The following IRF6 variants were observed in gnomAD, a reference collection of about 807,000 sequenced individuals.
The protein encoded by IRF6 is interferon regulatory factor 6.
Under a neutral mutation model 51.4 loss-of-function variants are expected in IRF6, and 6 were observed. The ratio of observed to expected loss-of-function variants is 0.12; its 90% CI spans 0.06 to 0.23. IRF6 has a LOEUF of 0.23. IRF6 is among the 10% of genes least tolerant of loss of function. The pLI is 1.00. For missense variants in IRF6, 348 were observed against 585.2 expected (o/e 0.59, Z 4.18); for synonymous variants, 178 against 215.7 (o/e 0.83, Z 1.53).
chr1:209,791,342 A>G (rs1470652859), intron 6 of IRF6, among the ~76,000 whole-genome samples: 1 of 152,234 alleles, frequency 6.6e-6, no homozygotes, highest in Non-Finnish European at 1.5e-5. Flanking sequence ...CACACTGGGG[A>G]TCTGCTCTAA....
rs1192791647 is a variant in IRF6, at chr1:209,786,242, A to T, written c.*2178T>A. On this transcript the variant is annotated 3_prime_UTR_variant, in exon 9 of 9. Transcript: ENST00000367021. ...CATGTACTCTCCCGGCATTCTGAAA[A>T]GAAGCCAAAACAAGGAAGAAACCGG... 12 of 152,242 alleles carry T rather than the reference A, an allele frequency of 7.9e-5. No homozygotes were observed. Among genetic ancestry groups the T allele is most frequent in the Admixed American group, 7.8e-4 (12 of 15,292 alleles). 9.4% of individuals were successfully genotyped at this position (152,242 alleles called of 1,614,324 possible). A position where few individuals can be genotyped will look rare whatever the true frequency, so the allele number is the denominator to read the frequency against.
intron 3 of IRF6, 99 bp downstream of exon 3, chr1:209,801,141 C>T (rs1339005831): frequency 1.1e-5 from 12 of 1,083,248 alleles, no homozygotes; most frequent in Non-Finnish European, 1.5e-5. Context: ...TAAGCATTCT[C>T]TCTGTTTCAC....
intron 8 of IRF6, 74 bp downstream of exon 8, chr1:209,789,593 G>A (rs2077856572): frequency 9.5e-7 from 1 of 1,047,344 alleles, no homozygotes; most frequent in Admixed American, 1.7e-5. Flanking sequence ...GCTTGATGAG[G>A]GCTCAACCCA....
chr1:209,789,444 T>C (rs2077855504), intron 8 of IRF6, among the ~76,000 whole-genome samples: 1 of 151,422 alleles, frequency 6.6e-6, no homozygotes, highest in African/African-American at 2.4e-5. Context: ...CTAAGGTTAG[T>C]AAGAGAATGA....
At chr1:209,805,384 C>T (rs531998102) in intron 1 of IRF6, among the ~76,000 whole-genome samples, 2 of 152,322 alleles carry the variant, frequency 1.3e-5, no homozygotes, top group African/African-American at 4.8e-5. Flanking sequence ...AACCACACCC[C>T]AGCGCCACCC....
intron 5 of IRF6, 64 bp from the exon 6 acceptor site, chr1:209,792,491 C>CTA: frequency 6.4e-7 from 1 of 1,567,996 alleles, no homozygotes; most frequent in Non-Finnish European, 8.7e-7. Context: ...TGCTGATGCT[C>CTA]TGAGAACTCA....
intron 3 of IRF6, among the ~76,000 whole-genome samples, chr1:209,800,866 A>G (rs933945451): frequency 6.6e-6 from 1 of 152,202 alleles, no homozygotes; most frequent in Non-Finnish European, 1.5e-5. Flanking sequence ...TGGTCTGAGT[A>G]TCCATTCCCA....
chr1:209,797,985 A>G (rs1392379475), intron 3 of IRF6, among the ~76,000 whole-genome samples: 1 of 152,202 alleles, frequency 6.6e-6, no homozygotes, highest in Non-Finnish European at 1.5e-5. Context: ...TTCTTCCTCA[A>G]GCTGAAATTG....
chr1:209,794,352 G>T (rs771300086), intron 5 of IRF6, among the ~76,000 whole-genome samples: 65 of 152,160 alleles, frequency 4.3e-4, no homozygotes, highest in Non-Finnish European at 1.9e-4. Context: ...ATATTGACCT[G>T]CAAGATCTCT....
intron 3 of IRF6, among the ~76,000 whole-genome samples, chr1:209,799,623 T>C (rs2077927143): frequency 6.6e-6 from 1 of 152,204 alleles, no homozygotes; most frequent in Non-Finnish European, 1.5e-5. Flanking sequence ...GCCCCAAGCA[T>C]GCAAGCCCAA....
chr1:209,801,494 C>A, intron 2 of IRF6, 78 bp from the exon 3 acceptor site: 1 of 1,145,444 alleles, frequency 8.7e-7, no homozygotes, highest in Non-Finnish European at 1.2e-6. Context: ...GCCACCTTTC[C>A]CATCTACTAG....
rs2077863588 is a variant in IRF6 at position 209,790,615 on chromosome 1, T to C, written c.940A>G (p.Ile314Val). The C allele has an allele frequency of 6.2e-7, 1 of 1,614,122 alleles. No homozygotes were observed. Among genetic ancestry groups the C allele is most frequent in the Non-Finnish European group, 8.5e-7 (1 of 1,180,048 alleles). Residue 314 changes from isoleucine to valine, a missense_variant, in exon 7 of 9, where the codon ATC becomes GTC. Physicochemically the swap from Ile to Val is conservative, Grantham distance 29. Transcript: ENST00000367021. This position sits in a 1 kb window ranked among gnomAD's most constrained non-coding sequence, Gnocchi z 4.8. Reference sequence around the variant, plus strand: ...TACACCTTGCACTGGCACAGCCTGATGGCATAAATGGCATGACCGCTGACC... The same window carrying C: ...TACACCTTGCACTGGCACAGCCTGACGGCATAAATGGCATGACCGCTGACC... ...LEVSGHAIYAIRLCQCKVYWS... is the reference protein window; with the variant it reads ...LEVSGHAIYAVRLCQCKVYWS...
At chr1:209,803,231 G>C (rs1438990054) in intron 1 of IRF6, among the ~76,000 whole-genome samples, 4 of 152,168 alleles carry the variant, frequency 2.6e-5, no homozygotes, top group African/African-American at 9.7e-5. Flanking sequence ...CTGAAAGGGG[G>C]ATGGAGCAAG....
At chr1:209,800,881 C>A (rs2077936748) in intron 3 of IRF6, among the ~76,000 whole-genome samples, 1 of 152,148 alleles carries the variant, frequency 6.6e-6, no homozygotes, top group African/African-American at 2.4e-5. Context: ...TTCCCAGGCC[C>A]AAGCAACTCT....
Position 209,801,213 on chromosome 1 carries a change from G to C in IRF6, c.174+27C>G, listed in dbSNP as rs200214642. On this transcript the variant is annotated intron_variant, in intron 3 of 8. Transcript: ENST00000367021. ...AAAAAAAAAAAAAAAAATCCAGAAA[G>C]GTCTGATGGTAGAAGAAGTCCTTTA... 3.5e-6 allele frequency: 5 copies of C among 1,446,390 alleles called. No individual in the cohort carries two copies. The Admixed American group carries it at 7.4e-5, about 21-fold the overall frequency. 89.6% of individuals were successfully genotyped at this position (1,446,390 alleles called of 1,614,324 possible). A position where few individuals can be genotyped will look rare whatever the true frequency, so the allele number is the denominator to read the frequency against.
chr1:209,791,574 CT>C (rs1410754365), intron 6 of IRF6, among the ~76,000 whole-genome samples: 7 of 152,122 alleles, frequency 4.6e-5, no homozygotes, highest in Admixed American at 1.3e-4. Flanking sequence ...AGGTTTTTTT[CT>C]GTAGGTCCTA....
rs772425426 is a variant in IRF6, at chr1:209,796,460, C to T, written c.267G>A (p.Lys89=). 1.9e-6 allele frequency: 3 copies of T among 1,614,124 alleles called. No individual in the cohort carries two copies. The highest frequency in any genetic ancestry group is 3.3e-5 in the Admixed American group (2 of 60,028). Residue 89 remains lysine, a synonymous_variant, in exon 4 of 9, where the codon AAG becomes AAA. Transcript: ENST00000367021. This position sits in a 1 kb window ranked among gnomAD's most constrained non-coding sequence, Gnocchi z 4.5. ...CATACATCAGGTTGAATTCTCTGCTCTTATTGAGAGCACAGCGCAGCTGGG... is the reference window on the plus strand; with the variant it reads ...CATACATCAGGTTGAATTCTCTGCTTTTATTGAGAGCACAGCGCAGCTGGG... The part of the protein sequence containing the change: ...WKAQLRCALN[K]SREFNLMYDG...
rs983629361 is a variant in IRF6, at chr1:209,790,312, T to C, written c.1060+183A>G. Among the ~76,000 whole-genome samples the C allele has an allele frequency of 6.6e-6, 1 of 152,226 alleles. No homozygotes were observed. The highest frequency in any genetic ancestry group is 2.4e-5 in the African/African-American group (1 of 41,464). On this transcript the variant is annotated intron_variant, in intron 7 of 8. Coordinates refer to ENST00000367021, the MANE Select transcript of IRF6 (RefSeq NM_006147.4). The surrounding 1 kb of genome is among the most constrained non-coding windows in gnomAD (Gnocchi z 4.8). ...TAGCTTTGGAGTGAAACTCCCTTCTTTGTTGCCTAGGTCACCTCCAATTTT... is the reference window on the plus strand; with the variant it reads ...TAGCTTTGGAGTGAAACTCCCTTCTCTGTTGCCTAGGTCACCTCCAATTTT...
chr1:209,800,670 G>A (rs2077935246), intron 3 of IRF6, among the ~76,000 whole-genome samples: 1 of 152,058 alleles, frequency 6.6e-6, no homozygotes, highest in Non-Finnish European at 1.5e-5. Context: ...GAGGCGGGAG[G>A]ATCGCTTGAG....
Sources: gnomAD v4.1 joint callset for allele counts (sites outside exome capture counted in the v4.1 genomes callset) on GRCh38, gnomAD v4.1.1 for gene constraint, Gnocchi (gnomAD v3.1) non-coding constraint, MANE v1.5 for transcripts, NCBI Gene and HGNC (gene_info 2026-07-23, HGNC 2026-07-21) for gene names.